The following ZNF532 variants were observed in gnomAD, a reference collection of about 807,000 sequenced individuals.
The protein encoded by ZNF532 is zinc finger protein 532.
A neutral mutation model predicts 89.3 loss-of-function variants in ZNF532; 22 were observed. The observed-to-expected ratio is 0.25, with a 90% CI of 0.18 to 0.35. The LOEUF (loss-of-function observed/expected upper bound fraction) is 0.35, where lower values mean the gene tolerates loss of function less well. Ranked by LOEUF, ZNF532 falls within the 10% of genes least tolerant of loss-of-function variation. The pLI is 1.00. For missense variants in ZNF532, 1,132 were observed against 1,643.4 expected, an observed-to-expected ratio of 0.69 and a Z score of 5.38; for synonymous variants, 606 against 649.6, an observed-to-expected ratio of 0.93 and a Z score of 1.02.
chr18:58,904,843 T>C (rs1271921517), intron 2 of ZNF532, among the ~76,000 whole-genome samples: 1 of 151,436 alleles, frequency 6.6e-6, no homozygotes, highest in Non-Finnish European at 1.5e-5. Flanking sequence ...TCTTTCTTTT[T>C]TTTTTTTTTT....
At chr18:58,888,788 A>T (rs533337388) in intron 2 of ZNF532, among the ~76,000 whole-genome samples, 568 of 42,616 alleles carry the variant, frequency 0.013, 65 homozygotes, top group Non-Finnish European at 0.019. Flanking sequence ...TATATATAAA[A>T]TATATATAAT....
At chr18:58,979,631 A>G (rs2067485898) in intron 8 of ZNF532, 1 of 152,842 alleles carries the variant, frequency 6.5e-6, no homozygotes, top group African/African-American at 2.4e-5. Flanking sequence ...TGGGTGACCC[A>G]CCTGCTACCT....
intron 2 of ZNF532, chr18:58,896,308 G>A (rs2145520245): frequency 6.6e-6 from 1 of 152,166 alleles, no homozygotes; most frequent in Non-Finnish European, 1.5e-5. Context: ...CATGGTAAAA[G>A]TTTTCCATCA....
chr18:58,880,764 G>C (rs1330729958), intron 2 of ZNF532, among the ~76,000 whole-genome samples: 2 of 139,212 alleles, frequency 1.4e-5, no homozygotes, highest in African/African-American at 6.3e-5. Flanking sequence ...GCGCGCGCAC[G>C]CGCGCGCGTC....
At chr18:58,966,738 GTTTTTTTT>G (rs540133909) in intron 7 of ZNF532, among the ~76,000 whole-genome samples, 2,833 of 126,012 alleles carry the variant, frequency 0.022, 97 homozygotes, top group African/African-American at 0.072. Flanking sequence ...ATTTTTTTGT[GTTTTTTTT>G]TTTTTTTTTT....
chr18:58,893,151 G>T (rs2059016733), intron 2 of ZNF532, among the ~76,000 whole-genome samples: 1 of 151,746 alleles, frequency 6.6e-6, no homozygotes, highest in Non-Finnish European at 1.5e-5. Flanking sequence ...GCTAATTTTT[G>T]CATTTTTAGC....
intron 7 of ZNF532, among the ~76,000 whole-genome samples, chr18:58,972,188 G>C (rs549587322): frequency 2.0e-5 from 3 of 152,346 alleles, no homozygotes; most frequent in Admixed American, 6.5e-5. Context: ...GGGCGACAGA[G>C]ACTCTGTCTC....
At chr18:58,935,261 T>C (rs1314661544) in intron 4 of ZNF532, among the ~76,000 whole-genome samples, 1 of 39,902 alleles carries the variant, frequency 2.5e-5, no homozygotes, top group African/African-American at 1.0e-4. Flanking sequence ...CTCCTCCCTC[T>C]CCCCCTCCCT....
intron 7 of ZNF532, among the ~76,000 whole-genome samples, chr18:58,962,238 A>G (rs1027368712): frequency 1.3e-5 from 2 of 151,956 alleles, no homozygotes; most frequent in South Asian, 4.2e-4. Flanking sequence ...AAAAAAAAAA[A>G]TGGATTCTAG....
At chr18:58,955,943 C>T (rs1423227787) in intron 7 of ZNF532, among the ~76,000 whole-genome samples, 1 of 152,108 alleles carries the variant, frequency 6.6e-6, no homozygotes, top group Non-Finnish European at 1.5e-5. Flanking sequence ...GGCACCCCTA[C>T]CAGATTGCAT....
At chr18:58,888,556 A>G (rs945379080) in intron 2 of ZNF532, among the ~76,000 whole-genome samples, 1 of 147,860 alleles carries the variant, frequency 6.8e-6, no homozygotes, top group African/African-American at 2.5e-5. Flanking sequence ...CACGCCTGTA[A>G]CCCCAGCTAC....
chr18:58,887,158 C>T (rs1390811231), intron 2 of ZNF532, among the ~76,000 whole-genome samples: 1 of 151,752 alleles, frequency 6.6e-6, no homozygotes, highest in Non-Finnish European at 1.5e-5. Context: ...GCTTATTCCG[C>T]AACACAGTTG....
At chr18:58,942,896 TTAAAA>T (rs767219868) in intron 5 of ZNF532, among the ~76,000 whole-genome samples, 64 of 152,336 alleles carry the variant, frequency 4.2e-4, no homozygotes, top group Middle Eastern at 3.4e-3. Flanking sequence ...ATGATCAGTG[TTAAAA>T]TAACCTCTCA....
chr18:58,924,245 C>T (rs935673848), intron 3 of ZNF532, among the ~76,000 whole-genome samples: 1 of 152,182 alleles, frequency 6.6e-6, no homozygotes, highest in Non-Finnish European at 1.5e-5. Context: ...GAAGAGTATA[C>T]CAGTCTACAC....
At position 58,984,312 on chromosome 18, in the gene ZNF532, G is replaced by A. The variant is rs143994649; in HGVS notation, c.3752G>A (p.Ser1251Asn). ...GATAACCAACAGGAGAACAAACCCA[G>A]CCACGAGGATGAATCCCCTGATGGC... Reference protein sequence around the residue: ...GEDNQQENKPSHEDESPDGAV... With the variant: ...GEDNQQENKPNHEDESPDGAV... Residue 1251 changes from serine to asparagine, a missense_variant, in exon 10 of 10, where the codon AGC (serine) becomes AAC (asparagine). Physicochemically the swap from Ser to Asn is conservative, Grantham distance 46. This residue lies in a region of ZNF532 where 415 missense variants were observed against 604.8 expected (regional missense o/e 0.69). Coordinates refer to ENST00000591808, the MANE Select transcript of ZNF532 (RefSeq NM_001375912.1). 1,531 of 1,611,946 alleles carry A rather than the reference G, an allele frequency of 9.5e-4. 2 individuals carry two copies. The highest frequency in any genetic ancestry group is 6.3e-3 in the Middle Eastern group (28 of 4,430).
At chr18:58,969,858 T>C (rs1164267030) in intron 7 of ZNF532, among the ~76,000 whole-genome samples, 1 of 150,782 alleles carries the variant, frequency 6.6e-6, no homozygotes. Flanking sequence ...TTTTATTATG[T>C]AGCAATATTT....
chr18:58,963,703 A>G (rs1005708637), intron 7 of ZNF532, among the ~76,000 whole-genome samples: 5 of 150,250 alleles, frequency 3.3e-5, no homozygotes, highest in Admixed American at 2.7e-4. Flanking sequence ...CACGCCTGTA[A>G]TCCTAACACT....
At chr18:58,949,972 T>G (rs2064007157) in intron 6 of ZNF532, among the ~76,000 whole-genome samples, 1 of 152,202 alleles carries the variant, frequency 6.6e-6, no homozygotes, top group African/African-American at 2.4e-5. Flanking sequence ...CTTAAGATAC[T>G]TTAACTATTT....
At position 58,984,542 on chromosome 18, in the gene ZNF532, T is replaced by C; in HGVS notation, c.*76T>C. On this transcript the variant is annotated 3_prime_UTR_variant, in exon 10 of 10. Transcript: ENST00000591808. ...CATTTTTGTTACAAAGTTTGCAGTA[T>C]AATAGAGTTAACAGTACTGTCTAGG... is the stretch of plus-strand genomic sequence containing the variant. 2.6e-6 allele frequency: 4 copies of C among 1,511,744 alleles called. No individual in the cohort carries two copies. In the Admixed American group the frequency reaches 6.5e-5, roughly 25 times the overall value. 93.6% of individuals were successfully genotyped at this position (1,511,744 alleles called of 1,614,324 possible). A position where few individuals can be genotyped will look rare whatever the true frequency, so the allele number is the denominator to read the frequency against.
Sources: gnomAD v4.1 joint callset for allele counts (sites outside exome capture counted in the v4.1 genomes callset) on GRCh38, gnomAD v4.1.1 for gene constraint, gnomAD v4.1.1 regional missense constraint, MANE v1.5 for transcripts, NCBI Gene and HGNC (gene_info 2026-07-23, HGNC 2026-07-21) for gene names.